Variants in ACR observed in about 807,000 individuals in gnomAD.
ACR encodes acrosin light and heavy chain prepropeptide.
In ACR, 17 loss-of-function variants were observed where a neutral mutation model predicts 26.0. The ratio of observed to expected loss-of-function variants is 0.65; its 90% CI spans 0.45 to 0.98. The LOEUF is 0.98. Among genes scored for constraint, ACR ranks in the 50% least tolerant of loss-of-function variants. The probability of loss-of-function intolerance (pLI) is 0.00; values close to 1 mark genes in which losing one functional copy is unlikely to be tolerated. For missense variants in ACR, 435 were observed against 519.3 expected (o/e 0.84, Z 1.58); for synonymous variants, 199 against 207.7 (o/e 0.96, Z 0.36).
intron 3 of ACR, among the ~76,000 whole-genome samples, chr22:50,743,282 G>T (rs376149615): frequency 6.6e-6 from 1 of 152,068 alleles, no homozygotes; most frequent in Non-Finnish European, 1.5e-5. Flanking sequence ...TGATCCGCCC[G>T]CCTCGGCCTC....
intron 4 of ACR, 138 bp downstream of exon 4, chr22:50,744,344 C>T (rs995632097): frequency 8.7e-5 from 63 of 723,296 alleles, no homozygotes; most frequent in Non-Finnish European, 1.2e-4. Context: ...ACTGCTTCCC[C>T]GGTCCCTTTT....
chr22:50,740,105 G>A (rs1207407846), intron 3 of ACR, 128 bp downstream of exon 3: 6 of 1,240,210 alleles, frequency 4.8e-6, no homozygotes, highest in Non-Finnish European at 6.9e-6. Flanking sequence ...TACACGTAGA[G>A]CCATCACTGT....
rs1569122423 is a variant in ACR at position 50,738,216 on chromosome 22, G to C, written c.-20G>C. On this transcript the variant is annotated 5_prime_UTR_variant, in exon 1 of 5. Transcript: ENST00000216139. ...GCTTTGTGAGGTCACTAGGCTTGCA[G>C]GCCAGGCAGTGCCAGGAGTATGGTT... is the stretch of plus-strand genomic sequence containing the variant. 2 of 1,613,358 alleles carry C rather than the reference G, an allele frequency of 1.2e-6. No homozygotes were observed. The highest frequency in any genetic ancestry group is 1.7e-6 in the Non-Finnish European group (2 of 1,179,302).
chr22:50,741,811 G>C (rs1481980030), intron 3 of ACR, among the ~76,000 whole-genome samples: 1 of 150,952 alleles, frequency 6.6e-6, no homozygotes, highest in African/African-American at 2.4e-5. Flanking sequence ...TTGAGTCCCT[G>C]CAGACTTTTA....
In ACR at chr22:50,740,601, T is replaced by C. The variant is rs140237069; in HGVS notation, c.565+624T>C. On this transcript the variant is annotated intron_variant, in intron 3 of 4. Coordinates refer to ENST00000216139, the MANE Select transcript of ACR (RefSeq NM_001097.3). ...GGTTGGTGTGGCTTTCTGTGGGTCA[T>C]AGGCATCCCTGTATTTCAGGCTTCC... 7.9e-3 allele frequency: 5,546 copies of C among 702,528 alleles called. 206 individuals are homozygous for C. The African/African-American group carries it at 0.082, about 10-fold the overall frequency. 43.5% of individuals were successfully genotyped at this position (702,528 alleles called of 1,614,324 possible).
chr22:50,739,731 G>A lies in ACR; in HGVS notation c.319G>A (p.Glu107Lys). 6.5e-7 allele frequency: 1 copy of A among 1,549,714 alleles called. No homozygotes were observed. The change falls in exon 3 of 5, where the codon GAA becomes AAA. Residue 107 changes from glutamate (E) to lysine (K), a missense_variant. By Grantham distance (56) the Glu-to-Lys change is moderately conservative. Transcript: ENST00000216139. This position sits in a 1 kb window ranked among gnomAD's most constrained non-coding sequence, Gnocchi z 5.5. ...CTGGAGACTGGTTTTCGGAGCAAAG[G>A]AAATTACATATGGGAACAATAAACC... ...HDWRLVFGAK[E>K]ITYGNNKPVK...
chr22:50,741,657 C>T (rs894745573), intron 3 of ACR, among the ~76,000 whole-genome samples: 16 of 151,814 alleles, frequency 1.1e-4, no homozygotes, highest in Admixed American at 7.9e-4. Flanking sequence ...ACATCCTGTA[C>T]CCATAAGCCC....
rs374353191 is a variant in ACR, at chr22:50,741,145, T to G, written c.565+1168T>G. 3.6e-3 allele frequency among the ~76,000 whole-genome samples: 544 copies of G among 152,328 alleles called. 2 individuals are homozygous for G. Among genetic ancestry groups the G allele is most frequent in the African/African-American group, 0.012 (514 of 41,578 alleles). On this transcript the variant is annotated intron_variant, in intron 3 of 4. Coordinates refer to ENST00000216139, the MANE Select transcript of ACR (RefSeq NM_001097.3). ...TATGAGTCTAAAACGCAGCCTTTTT[T>G]GGGTAACAACAACAAAAAGTCAATA...
chr22:50,744,202 G>A lies in ACR; in HGVS notation c.707G>A (p.Cys236Tyr). ...AGYPVGKIDT[C>Y]QGDSGGPLMC... is the part of the protein sequence containing the mutation. ...TATCCTGTAGGCAAGATCGACACCT[G>A]CCAGGTAACCTTCCTTCTGGCTTCT... The change falls in exon 4 of 5, where the codon TGC becomes TAC. Residue 236 changes from cysteine (C) to tyrosine (Y), a missense_variant. Physicochemically the swap from Cys to Tyr is radical, Grantham distance 194 (BLOSUM62 -2). This residue lies in a region of ACR where 314 missense variants were observed against 372.0 expected (regional missense o/e 0.84). Coordinates refer to ENST00000216139, the MANE Select transcript of ACR (RefSeq NM_001097.3). 1 of 1,613,380 alleles carries A rather than the reference G, an allele frequency of 6.2e-7. No individual in the cohort carries two copies. The highest frequency in any genetic ancestry group is 8.5e-7 in the Non-Finnish European group (1 of 1,179,578).
chr22:50,743,104 C>T (rs561007690), intron 3 of ACR, among the ~76,000 whole-genome samples: 6 of 151,718 alleles, frequency 4.0e-5, no homozygotes, highest in South Asian at 4.2e-4. Context: ...GGCGCCATCT[C>T]GGCTCACTGC....
rs1390361595 is a variant in ACR at position 50,739,426 on chromosome 22, T to C, written c.233T>C (p.Leu78Pro). ...TACCACACATGTGGAGGCAGCTTGC[T>C]GAATTCACGATGGGTGCTCACTGCT... ...HRYHTCGGSL[L>P]NSRWVLTAAH... The change falls in exon 2 of 5, where the codon CTG (leucine) becomes CCG (proline). Residue 78 changes from leucine (L) to proline (P), a missense_variant. Leu to Pro is a moderately conservative substitution (Grantham distance 98). This residue lies in a region of ACR where 314 missense variants were observed against 372.0 expected (regional missense o/e 0.84). Coordinates refer to ENST00000216139, the MANE Select transcript of ACR (RefSeq NM_001097.3). The surrounding 1 kb of genome is among the most constrained non-coding windows in gnomAD (Gnocchi z 5.5). The C allele has an allele frequency of 6.2e-7, 1 of 1,614,254 alleles. No homozygotes were observed. Among genetic ancestry groups the C allele is most frequent in the South Asian group, 1.1e-5 (1 of 91,082 alleles).
intron 3 of ACR, among the ~76,000 whole-genome samples, chr22:50,741,602 A>G (rs181504904): frequency 0.012 from 1,852 of 149,960 alleles, 43 homozygotes; most frequent in Admixed American, 0.056. Flanking sequence ...TAATAGGATC[A>G]CTCTGTTTCT....
At position 50,744,910 on chromosome 22, in the gene ACR, C is replaced by A; in HGVS notation, c.969C>A (p.His323Gln). 6.3e-7 allele frequency: 1 copy of A among 1,585,976 alleles called. No individual in the cohort carries two copies. Among genetic ancestry groups the A allele is most frequent in the Non-Finnish European group, 8.6e-7 (1 of 1,169,196 alleles). Residue 323 changes from histidine to glutamine, a missense_variant, in exon 5 of 5, where the codon CAC becomes CAA. Transcript: ENST00000216139. ...RPPFSHPISAHLPWYFQPPPR... is the reference protein window; with the variant it reads ...RPPFSHPISAQLPWYFQPPPR... ...CCTTCTCCCACCCTATCTCTGCTCA[C>A]CTTCCTTGGTATTTCCAACCGCCCC...
intron 3 of ACR, among the ~76,000 whole-genome samples, chr22:50,741,353 A>G (rs890229029): frequency 3.3e-5 from 5 of 151,594 alleles, no homozygotes; most frequent in Admixed American, 2.6e-4. Flanking sequence ...CCTCTATTCC[A>G]GCTGCCGATA....
At chr22:50,743,916 G>T (rs2083437741) in intron 3 of ACR, 145 bp from the exon 4 acceptor site, 1 of 728,396 alleles carries the variant, frequency 1.4e-6, no homozygotes, top group African/African-American at 1.8e-5. Flanking sequence ...GCTCTTTCTG[G>T]TGTATAAGGA....
At position 50,744,767 on chromosome 22, in the gene ACR, A is replaced by G; in HGVS notation, c.826A>G (p.Thr276Ala). 6.2e-7 allele frequency: 1 copy of G among 1,612,100 alleles called. No homozygotes were observed. Among genetic ancestry groups the G allele is most frequent in the Non-Finnish European group, 8.5e-7 (1 of 1,179,234 alleles). The change falls in exon 5 of 5, where the codon ACG becomes GCG. Residue 276 changes from threonine (T) to alanine (A), a missense_variant. By Grantham distance (58) the Thr-to-Ala change is moderately conservative (BLOSUM62 0). Around this residue, in one of 3 missense-constraint regions of ACR, gnomAD observed 314 missense variants for 372.0 expected, o/e 0.84. Transcript: ENST00000216139. ...CCGTGCCAAGCGCCCCGGAATCTAC[A>G]CGGCCACCTGGCCCTATCTGAACTG... ...CARAKRPGIY[T>A]ATWPYLNWIA...
At chr22:50,744,592 C>T (rs1224343093) in intron 4 of ACR, 61 bp from the exon 5 acceptor site, 15 of 1,529,220 alleles carry the variant, frequency 9.8e-6, no homozygotes, top group South Asian at 1.3e-5. Flanking sequence ...AGCCTTCCGA[C>T]CCCTCTGGGC....
rs1158559300 is a variant in ACR, at chr22:50,739,924, C to A, written c.512C>A (p.Pro171His). 1 of 1,613,770 alleles carries A rather than the reference C, an allele frequency of 6.2e-7. No individual in the cohort carries two copies. Among genetic ancestry groups the A allele is most frequent in the East Asian group, 2.2e-5 (1 of 44,900 alleles). Residue 171 changes from proline (P) to histidine (H), a missense_variant, in exon 3 of 5, where the codon CCC becomes CAC. Physicochemically the swap from Pro to His is moderately conservative, Grantham distance 77. This residue lies in a region of ACR where 314 missense variants were observed against 372.0 expected (regional missense o/e 0.84). Coordinates refer to ENST00000216139, the MANE Select transcript of ACR (RefSeq NM_001097.3). The surrounding 1 kb of genome is among the most constrained non-coding windows in gnomAD (Gnocchi z 5.5). ...CTGCCCCACTTTAAGGCAGGCCTCC[C>A]CAGAGGCTCCCAGAGCTGCTGGGTG... ...GCLPHFKAGL[P>H]RGSQSCWVAG...
intron 3 of ACR, chr22:50,740,396 G>A: frequency 1.7e-6 from 1 of 594,446 alleles, no homozygotes; most frequent in Non-Finnish European, 3.0e-6. Flanking sequence ...GGAGGGGCTG[G>A]ATCAGATGGT....
Sources: allele counts gnomAD v4.1 joint callset (sites outside exome capture counted in the v4.1 genomes callset), GRCh38; gene constraint gnomAD v4.1.1; regional missense constraint gnomAD v4.1.1; non-coding constraint Gnocchi (gnomAD v3.1); transcripts MANE v1.5; gene names NCBI Gene and HGNC (gene_info 2026-07-23, HGNC 2026-07-21).